The following TECPR1 variants were observed in gnomAD, a reference collection of about 807,000 sequenced individuals.
TECPR1 encodes tectonin beta-propeller repeat containing 1.
In TECPR1, 122 loss-of-function variants were observed where a neutral mutation model predicts 162.4. The ratio of observed to expected loss-of-function variants is 0.75; its 90% CI spans 0.65 to 0.87. The LOEUF (loss-of-function observed/expected upper bound fraction) is 0.87. Ranked by LOEUF, TECPR1 falls within the 40% of genes least tolerant of loss-of-function variation. The probability of loss-of-function intolerance (pLI) is 0.00; values close to 1 mark genes in which losing one functional copy is unlikely to be tolerated. For synonymous variants in TECPR1, 642 were observed against 670.6 expected (o/e 0.96, Z 0.66); for missense variants, 1,432 against 1,618.2 (o/e 0.88, Z 1.97).
At chr7:98,228,684 G>A (rs558229531) in intron 16 of TECPR1, 108 of 231,288 alleles carry the variant, frequency 4.7e-4, no homozygotes, top group African/African-American at 2.3e-3. Flanking sequence ...TTCCGCCTTC[G>A]TTTTCCAGTA....
intron 19 of TECPR1, among the ~76,000 whole-genome samples, chr7:98,223,945 G>A (rs1290830179): frequency 6.6e-6 from 1 of 152,142 alleles, no homozygotes; most frequent in African/African-American, 2.4e-5. Flanking sequence ...CTGCAGGGAG[G>A]GCCTCCTGGG....
At position 98,220,376 on chromosome 7, in the gene TECPR1, T is replaced by C. The variant is rs571043712; in HGVS notation, c.3157+1285A>G. 2.6e-5 allele frequency among the ~76,000 whole-genome samples: 4 copies of C among 152,144 alleles called. No individual in the cohort carries two copies. The East Asian group carries it at 7.7e-4, about 29-fold the overall frequency. On this transcript the variant is annotated intron_variant, in intron 23 of 25. Coordinates refer to ENST00000447648, the MANE Select transcript of TECPR1 (RefSeq NM_015395.3). ...AAAAAAAAAATTTTTTAACGGTACA[T>C]TTTACTTTATTTATTTTTATTTTTA...
At chr7:98,236,517 G>C (rs1798603697) in intron 10 of TECPR1, among the ~76,000 whole-genome samples, 1 of 151,970 alleles carries the variant, frequency 6.6e-6, no homozygotes, top group South Asian at 2.1e-4. Context: ...CCTGCTCCCA[G>C]GTGCCGCCAC....
Position 98,231,055 on chromosome 7 carries a change from C to G in TECPR1, c.2188G>C (p.Ala730Pro). The G allele has an allele frequency of 6.2e-7, 1 of 1,611,568 alleles. No individual in the cohort carries two copies. Residue 730 changes from alanine to proline, a missense_variant, in exon 15 of 26, where the codon GCC becomes CCC. Physicochemically the swap from Ala to Pro is conservative, Grantham distance 27. Coordinates refer to ENST00000447648, the MANE Select transcript of TECPR1 (RefSeq NM_015395.3). ...RKVQGRPSPQAIWSITCKGDI... is the reference protein window; with the variant it reads ...RKVQGRPSPQPIWSITCKGDI... Reference sequence around the variant, plus strand: ...CCCTTGCAGGTGATGGACCAGATGGCCTGCGGGGACGGGCGGCCCTGCACC... The same window carrying G: ...CCCTTGCAGGTGATGGACCAGATGGGCTGCGGGGACGGGCGGCCCTGCACC...
rs773051091 is a variant in TECPR1, at chr7:98,217,926, G to T, written c.3264+10C>A. 3.2e-5 allele frequency: 50 copies of T among 1,551,360 alleles called. No homozygotes were observed. In the East Asian group the frequency reaches 1.2e-3, roughly 38 times the overall value. The stretch of plus-strand genomic sequence containing the variant: ...ACCCCAAGTGCCCGATACCCCCTGA[G>T]CACCCCCACCTGGTCCAGGGGCCCC... On this transcript the variant is annotated intron_variant, in intron 24 of 25. Transcript: ENST00000447648.
intron 8 of TECPR1, among the ~76,000 whole-genome samples, chr7:98,239,796 C>T (rs967714958): frequency 2.0e-5 from 3 of 151,820 alleles, no homozygotes; most frequent in Non-Finnish European, 4.4e-5. Flanking sequence ...CAGGGAAACC[C>T]CCTTGACAAG....
chr7:98,238,816 A>G (rs1421029985), intron 8 of TECPR1, among the ~76,000 whole-genome samples: 2 of 152,190 alleles, frequency 1.3e-5, no homozygotes, highest in Non-Finnish European at 2.9e-5. Flanking sequence ...TGTGCCTGGC[A>G]CTGTCCCACG....
intron 5 of TECPR1, among the ~76,000 whole-genome samples, chr7:98,243,796 A>G (rs1418219420): frequency 6.6e-6 from 1 of 152,306 alleles, no homozygotes; most frequent in Non-Finnish European, 1.5e-5. Flanking sequence ...TGGTTTCACC[A>G]TGTTGGCCAG....
chr7:98,232,804 T>A lies in TECPR1; in HGVS notation c.1818+23A>T. 6.6e-7 allele frequency: 1 copy of A among 1,521,090 alleles called. No homozygotes were observed. Among genetic ancestry groups the A allele is most frequent in the South Asian group, 1.3e-5 (1 of 79,484 alleles). 94.2% of individuals were successfully genotyped at this position (1,521,090 alleles called of 1,614,324 possible). On this transcript the variant is annotated intron_variant, in intron 12 of 25. Coordinates refer to ENST00000447648, the MANE Select transcript of TECPR1 (RefSeq NM_015395.3). The surrounding 1 kb of genome is among the most constrained non-coding windows in gnomAD (Gnocchi z 4.6). ...TTGCTGGAAAAAAAAAAAAAATGCATGCGCAGCCACCGGGGCACCCACCTG... is the reference window on the plus strand; with the variant it reads ...TTGCTGGAAAAAAAAAAAAAATGCAAGCGCAGCCACCGGGGCACCCACCTG...
chr7:98,232,122 C>T lies in TECPR1; in HGVS notation c.1819-163G>A, dbSNP rs775322164. Among the ~76,000 whole-genome samples, 3 of 152,128 alleles carry T rather than the reference C, an allele frequency of 2.0e-5. No homozygotes were observed. Among genetic ancestry groups the T allele is most frequent in the African/African-American group, 4.8e-5 (2 of 41,428 alleles). ...CCCCCTATGCTAATGATAACAGTGA[C>T]GCTGCCGGACACCCAATAGGTGCAG... On this transcript the variant is annotated intron_variant, in intron 12 of 25. Transcript: ENST00000447648. The surrounding 1 kb of genome is among the most constrained non-coding windows in gnomAD (Gnocchi z 4.6).
rs1462947040 is a variant in TECPR1, at chr7:98,232,189, C to A, written c.1819-230G>T. Among the ~76,000 whole-genome samples the A allele has an allele frequency of 6.6e-6, 1 of 152,184 alleles. No individual in the cohort carries two copies. The highest frequency in any genetic ancestry group is 2.4e-5 in the African/African-American group (1 of 41,448). On this transcript the variant is annotated intron_variant, in intron 12 of 25. Coordinates refer to ENST00000447648, the MANE Select transcript of TECPR1 (RefSeq NM_015395.3). This position sits in a 1 kb window ranked among gnomAD's most constrained non-coding sequence, Gnocchi z 4.6. ...TCCGTACAACCTCCTCTCTCTCAAACAGCCAGAGTGGGCACTGCCATCCCG... is the reference window on the plus strand; with the variant it reads ...TCCGTACAACCTCCTCTCTCTCAAAAAGCCAGAGTGGGCACTGCCATCCCG...
chr7:98,233,980 T>C, intron 10 of TECPR1, 69 bp from the exon 11 acceptor site: 2 of 1,457,606 alleles, frequency 1.4e-6, no homozygotes, highest in Non-Finnish European at 1.8e-6. Context: ...CAGGCCCAGC[T>C]CCAGCGTGCT....
At chr7:98,230,595 A>G (rs577851350) in intron 15 of TECPR1, among the ~76,000 whole-genome samples, 8 of 152,176 alleles carry the variant, frequency 5.3e-5, no homozygotes, top group Non-Finnish European at 1.0e-4. Flanking sequence ...CTGGAGCTGG[A>G]GGCGGCTGAG....
At chr7:98,249,805 C>T (rs1019412383) in intron 2 of TECPR1, among the ~76,000 whole-genome samples, 5 of 151,790 alleles carry the variant, frequency 3.3e-5, no homozygotes, top group African/African-American at 9.7e-5. Flanking sequence ...AAAAATTAGC[C>T]GGCTTGGGAG....
chr7:98,237,900 G>A (rs1398050773), intron 9 of TECPR1, among the ~76,000 whole-genome samples: 1 of 152,064 alleles, frequency 6.6e-6, no homozygotes, highest in African/African-American at 2.4e-5. Flanking sequence ...GGCCTCCTGA[G>A]TAGATGGGAC....
At chr7:98,243,159 C>T (rs1007500667) in intron 6 of TECPR1, among the ~76,000 whole-genome samples, 3 of 151,784 alleles carry the variant, frequency 2.0e-5, no homozygotes, top group Non-Finnish European at 4.4e-5. Flanking sequence ...TCTGCCCACA[C>T]ACCACCCATC....
intron 10 of TECPR1, among the ~76,000 whole-genome samples, chr7:98,236,539 A>G (rs906695751): frequency 6.6e-6 from 1 of 151,570 alleles, no homozygotes; most frequent in Non-Finnish European, 1.5e-5. Flanking sequence ...AGCAGCCCAG[A>G]GTATGTCAAA....
chr7:98,222,015 G>A (rs1798154924), intron 22 of TECPR1, among the ~76,000 whole-genome samples: 1 of 152,192 alleles, frequency 6.6e-6, no homozygotes, highest in Non-Finnish European at 1.5e-5. Flanking sequence ...CCAGCCTCAG[G>A]GGCTGCCCTG....
chr7:98,228,412 T>G (rs1002284509), intron 16 of TECPR1: 2 of 376,936 alleles, frequency 5.3e-6, no homozygotes, highest in African/African-American at 2.0e-5. Flanking sequence ...CCCTCCTACT[T>G]AGCACCAGGG....
Sources: gnomAD v4.1 joint callset for allele counts (sites outside exome capture counted in the v4.1 genomes callset) on GRCh38, gnomAD v4.1.1 for gene constraint, Gnocchi (gnomAD v3.1) non-coding constraint, MANE v1.5 for transcripts, NCBI Gene and HGNC (gene_info 2026-07-23, HGNC 2026-07-21) for gene names.